ADAMTSL3: variants seen among roughly 807,000 people sequenced by gnomAD.
ADAMTSL3 encodes the protein ADAMTS like 3, also known as ADAMTS-like protein 3.
A neutral mutation model predicts 201.7 loss-of-function variants in ADAMTSL3; 128 were observed. The observed-to-expected ratio is 0.63, with a 90% CI of 0.55 to 0.73. The LOEUF is 0.73. Ranked by LOEUF, ADAMTSL3 falls within the 30% of genes least tolerant of loss-of-function variation. The pLI, the probability that ADAMTSL3 is intolerant of heterozygous loss-of-function variation, is 0.00. For missense variants in ADAMTSL3, 1,990 were observed against 2,119.6 expected (o/e 0.94, Z 1.20); for synonymous variants, 738 against 748.4 (o/e 0.99, Z 0.23).
intron 3 of ADAMTSL3, 135 bp from the exon 4 acceptor site, chr15:83,773,388 G>A: frequency 1.0e-6 from 1 of 980,190 alleles, no homozygotes; most frequent in Non-Finnish European, 1.5e-6. Flanking sequence ...TGGGCAATAA[G>A]ATCGAAGCTC....
At chr15:83,956,099 A>T (rs2066857176) in intron 19 of ADAMTSL3, among the ~76,000 whole-genome samples, 1 of 152,034 alleles carries the variant, frequency 6.6e-6, no homozygotes, top group Non-Finnish European at 1.5e-5. Flanking sequence ...CGGCCACTGG[A>T]ATAGGCACTT....
chr15:83,892,531 AC>A (rs2065526979), intron 12 of ADAMTSL3, among the ~76,000 whole-genome samples, 152 bp from the exon 13 acceptor site: 2 of 152,350 alleles, frequency 1.3e-5, no homozygotes, highest in Non-Finnish European at 2.9e-5. Context: ...CTCTGTCTCA[AC>A]AAAAAAAAGT....
intron 25 of ADAMTSL3, among the ~76,000 whole-genome samples, chr15:84,018,562 A>G (rs1021129537): frequency 6.6e-6 from 1 of 152,212 alleles, no homozygotes; most frequent in African/African-American, 2.4e-5. Flanking sequence ...CCCAGACCTA[A>G]AGGATGAGGT....
At chr15:83,895,439 A>G (rs12914343) in intron 13 of ADAMTSL3, among the ~76,000 whole-genome samples, 21,087 of 152,146 alleles carry the variant, frequency 0.14, 1,902 homozygotes, top group Middle Eastern at 0.33. Flanking sequence ...TGACTTTATC[A>G]TTATGTATAT....
chr15:83,925,566 G>T (rs2066230614), intron 17 of ADAMTSL3, among the ~76,000 whole-genome samples: 1 of 152,164 alleles, frequency 6.6e-6, no homozygotes, highest in African/African-American at 2.4e-5. Context: ...GACAATAAAG[G>T]AGGGGTTTTA....
At chr15:83,969,864 G>A (rs2067160266) in intron 19 of ADAMTSL3, among the ~76,000 whole-genome samples, 1 of 152,216 alleles carries the variant, frequency 6.6e-6, no homozygotes, top group Non-Finnish European at 1.5e-5. Flanking sequence ...AATTTATTAA[G>A]AAGGTAGATC....
At chr15:83,796,860 G>A (rs1472367955) in intron 4 of ADAMTSL3, among the ~76,000 whole-genome samples, 1 of 151,980 alleles carries the variant, frequency 6.6e-6, no homozygotes. Flanking sequence ...GATAGTCAGA[G>A]GAAAACATTA....
intron 4 of ADAMTSL3, among the ~76,000 whole-genome samples, chr15:83,791,820 C>T (rs1444191595): frequency 1.3e-5 from 2 of 150,904 alleles, no homozygotes; most frequent in Non-Finnish European, 2.9e-5. Context: ...AGATGCGCCA[C>T]TGCACTCCAG....
rs764170855 is a variant in ADAMTSL3, at chr15:83,982,406, C to G, written c.2778C>G (p.Pro926=). The part of the protein sequence containing the change: ...LTIGSRAYLL[P]NTSVIIKCPV... ...TTGGTAGCAGAGCCTATTTGCTGCCCAACACATCCGTGATTATTAAGTGCC... is the reference window on the plus strand; with the variant it reads ...TTGGTAGCAGAGCCTATTTGCTGCCGAACACATCCGTGATTATTAAGTGCC... Residue 926 remains proline (P), a synonymous_variant, in exon 21 of 30, where the codon CCC becomes CCG. Coordinates refer to ENST00000286744, the MANE Select transcript of ADAMTSL3 (RefSeq NM_207517.3). 6.2e-7 allele frequency: 1 copy of G among 1,614,056 alleles called. No homozygotes were observed. The highest frequency in any genetic ancestry group is 8.5e-7 in the Non-Finnish European group (1 of 1,180,014).
chr15:83,971,363 C>G (rs1424238865), intron 20 of ADAMTSL3, among the ~76,000 whole-genome samples: 1 of 151,952 alleles, frequency 6.6e-6, no homozygotes, highest in African/African-American at 2.4e-5. Flanking sequence ...CAAGACCATC[C>G]TGGCTAACAT....
chr15:83,802,897 C>T (rs1041065751), intron 4 of ADAMTSL3, among the ~76,000 whole-genome samples: 4 of 152,178 alleles, frequency 2.6e-5, no homozygotes, highest in African/African-American at 4.8e-5. Context: ...AAGGTAATAT[C>T]GGCATAGCAA....
intron 3 of ADAMTSL3, among the ~76,000 whole-genome samples, chr15:83,735,186 A>C (rs2062351375): frequency 6.6e-6 from 1 of 152,184 alleles, no homozygotes; most frequent in Non-Finnish European, 1.5e-5. Context: ...CAAAGAGAAG[A>C]ATAAAGGTAT....
At chr15:83,771,670 G>T (rs538858948) in intron 3 of ADAMTSL3, among the ~76,000 whole-genome samples, 14 of 152,204 alleles carry the variant, frequency 9.2e-5, no homozygotes, top group African/African-American at 2.4e-4. Flanking sequence ...ACCACATGTT[G>T]TTTATCCATT....
chr15:83,866,297 G>T (rs1052109377), intron 8 of ADAMTSL3, among the ~76,000 whole-genome samples: 9 of 152,270 alleles, frequency 5.9e-5, no homozygotes, highest in African/African-American at 2.2e-4. Flanking sequence ...CTGCTATAAA[G>T]ACACATGCAC....
At chr15:83,884,126 C>T (rs1485747335) in intron 9 of ADAMTSL3, among the ~76,000 whole-genome samples, 1 of 151,816 alleles carries the variant, frequency 6.6e-6, no homozygotes, top group Non-Finnish European at 1.5e-5. Flanking sequence ...CTCCTGACCT[C>T]AGATGATCTA....
rs111674166 is a variant in ADAMTSL3 at position 83,676,602 on chromosome 15, C to T, written c.69+20772C>T. 4.6e-3 allele frequency among the ~76,000 whole-genome samples: 693 copies of T among 152,258 alleles called. 8 individuals are homozygous for T. The highest frequency in any genetic ancestry group is 0.015 in the African/African-American group (641 of 41,550). On this transcript the variant is annotated intron_variant, in intron 2 of 29. Transcript: ENST00000286744. ...CTGAGGCAGGAGAATGGCGTGAACC[C>T]GGGAAGGGGAGCTTGCAGTGAGCGG...
intron 3 of ADAMTSL3, among the ~76,000 whole-genome samples, chr15:83,743,945 G>A (rs1164023710): frequency 6.6e-6 from 1 of 151,882 alleles, no homozygotes; most frequent in Non-Finnish European, 1.5e-5. Flanking sequence ...CTGCCTCTCA[G>A]GTTCACACCA....
At chr15:83,823,024 C>T (rs1392825057) in intron 6 of ADAMTSL3, among the ~76,000 whole-genome samples, 4 of 151,946 alleles carry the variant, frequency 2.6e-5, no homozygotes, top group Admixed American at 6.5e-5. Flanking sequence ...GAAACCCCGT[C>T]TCCACCAAAA....
At chr15:83,746,683 T>C (rs1340718354) in intron 3 of ADAMTSL3, among the ~76,000 whole-genome samples, 5 of 152,088 alleles carry the variant, frequency 3.3e-5, no homozygotes, top group Non-Finnish European at 7.4e-5. Context: ...TACTTCGGGT[T>C]GGAAGTAGTT....
Sources: gnomAD v4.1 joint callset for allele counts (sites outside exome capture counted in the v4.1 genomes callset) on GRCh38, gnomAD v4.1.1 for gene constraint, MANE v1.5 for transcripts, NCBI Gene and HGNC (gene_info 2026-07-23, HGNC 2026-07-21) for gene names.